The following PFKP variants were observed in gnomAD, a reference collection of about 807,000 sequenced individuals.
The protein encoded by PFKP is ATP-dependent 6-phosphofructokinase, platelet type.
PFKP carries 101 observed loss-of-function variants against 94.3 expected under a neutral mutation model. That is an observed-to-expected ratio of 1.07 (90% CI 0.91 to 1.26). The LOEUF is 1.26. Ranked by LOEUF, PFKP falls within the 50% of genes most tolerant of loss-of-function variation. The pLI is 0.00. For synonymous variants in PFKP, 573 were observed against 432.6 expected (o/e 1.32, Z -4.03); for missense variants, 1,145 against 1,103.3 (o/e 1.04, Z -0.53).
intron 13 of PFKP, among the ~76,000 whole-genome samples, chr10:3,114,652 AG>A (rs1200482432): frequency 1.3e-5 from 2 of 152,204 alleles, no homozygotes; most frequent in African/African-American, 2.4e-5. Context: ...ATGCTGGGGA[AG>A]GTGCTCCCAG....
At chr10:3,093,638 C>CTTTTTTTTTTTTTTTTTTTTTTTT (rs765547765) in intron 2 of PFKP, among the ~76,000 whole-genome samples, 2 of 94,056 alleles carry the variant, frequency 2.1e-5, no homozygotes, top group African/African-American at 9.4e-5. Context: ...CAAGCATTAT[C>CTTTTTTTTTTTTTTTTTTTTTTTT]TTTTTTTTTT....
intron 16 of PFKP, chr10:3,129,047 T>C (rs1373854894): frequency 2.6e-5 from 4 of 152,274 alleles, no homozygotes; most frequent in Admixed American, 6.5e-5. Context: ...TGGGGTCCTT[T>C]CTGTGTGAAC....
chr10:3,136,038 G>A (rs1839257814), intron 21 of PFKP, among the ~76,000 whole-genome samples, 200 bp downstream of exon 21: 1 of 152,144 alleles, frequency 6.6e-6, no homozygotes, highest in African/African-American at 2.4e-5. Context: ...GGCCGAGACA[G>A]GTGGATCACA....
rs1293631382 is a variant in PFKP at position 3,136,700 on chromosome 10, C to A, written c.*121C>A. 4 of 1,035,202 alleles carry A rather than the reference C, an allele frequency of 3.9e-6. No individual in the cohort carries two copies. The highest frequency in any genetic ancestry group is 5.7e-6 in the Non-Finnish European group (4 of 707,420). The allele number at this position is 1,035,202 out of a possible 1,614,324, so 64.1% of individuals were successfully genotyped here. ...CATTAATACCTAATCGGCGAGTGCC[C>A]ATCTGCCCCACCTGCTCCAGTGCGT... On this transcript the variant is annotated 3_prime_UTR_variant, in exon 22 of 22. Coordinates refer to ENST00000381125, the MANE Select transcript of PFKP (RefSeq NM_002627.5).
At position 3,116,816 on chromosome 10, in the gene PFKP, G is replaced by T; in HGVS notation, c.1412G>T (p.Gly471Val). The T allele has an allele frequency of 6.2e-7, 1 of 1,613,402 alleles. No individual in the cohort carries two copies. The highest frequency in any genetic ancestry group is 8.5e-7 in the Non-Finnish European group (1 of 1,179,312). Residue 471 changes from glycine to valine, a missense_variant, in exon 14 of 22, where the codon GGC (glycine) becomes GTC (valine). Coordinates refer to ENST00000381125, the MANE Select transcript of PFKP (RefSeq NM_002627.5). ...TGGACAGATGTCGGGGGCTGGACCG[G>T]CCAAGGAGGCTCCATTCTTGGGACA... ...IGWTDVGGWT[G>V]QGGSILGTKR...
chr10:3,136,456 G>T lies in PFKP; in HGVS notation c.2232G>T (p.Arg744Ser). ...TCTCCTCTTACCTCCACAGGCACAG[G>T]ATTCCCAAAGAACAGTGGTGGCTCA... ...ELKKQTDFEHRIPKEQWWLKL... is the reference protein window; with the variant it reads ...ELKKQTDFEHSIPKEQWWLKL... The change falls in exon 22 of 22, where the codon AGG becomes AGT. Residue 744 changes from arginine to serine, a missense_variant. Arg to Ser is a moderately radical substitution (Grantham distance 110). Transcript: ENST00000381125. The T allele has an allele frequency of 6.2e-7, 1 of 1,613,532 alleles. No individual in the cohort carries two copies. The highest frequency in any genetic ancestry group is 8.5e-7 in the Non-Finnish European group (1 of 1,179,644).
intron 2 of PFKP, among the ~76,000 whole-genome samples, chr10:3,097,281 G>C (rs1312584948): frequency 1.3e-5 from 2 of 151,876 alleles, no homozygotes; most frequent in African/African-American, 4.8e-5. Flanking sequence ...GAGTCCTTGT[G>C]TGGACAGAGC....
chr10:3,130,097 C>A, intron 17 of PFKP, 114 bp downstream of exon 17: 1 of 938,574 alleles, frequency 1.1e-6, no homozygotes, highest in Non-Finnish European at 1.6e-6. Flanking sequence ...GATGGAGATG[C>A]TACAGAACAT....
chr10:3,125,608 G>A (rs1453152205), intron 16 of PFKP, among the ~76,000 whole-genome samples: 6 of 152,200 alleles, frequency 3.9e-5, no homozygotes, highest in Admixed American at 6.5e-5. Flanking sequence ...GTAAATGCCC[G>A]GTAAGTACGA....
chr10:3,112,402 G>A, intron 11 of PFKP, 116 bp downstream of exon 11: 1 of 803,910 alleles, frequency 1.2e-6, no homozygotes, highest in Non-Finnish European at 2.2e-6. Context: ...AAATCAGAAA[G>A]TCAGGCAGTA....
chr10:3,136,469 C>G lies in PFKP; in HGVS notation c.2245C>G (p.Gln749Glu). Residue 749 changes from glutamine (Q) to glutamate (E), a missense_variant, in exon 22 of 22, where the codon CAG (glutamine) becomes GAG (glutamate). By Grantham distance (29) the Gln-to-Glu change is conservative. This residue lies in a region of PFKP where 1,119 missense variants were observed against 1,062.8 expected (regional missense o/e 1.05). Transcript: ENST00000381125. ...CCACAGGCACAGGATTCCCAAAGAA[C>G]AGTGGTGGCTCAAGCTACGGCCCCT... ...TDFEHRIPKE[Q>E]WWLKLRPLMK... 2 of 1,613,628 alleles carry G rather than the reference C, an allele frequency of 1.2e-6. No individual in the cohort carries two copies. The highest frequency in any genetic ancestry group is 1.1e-5 in the South Asian group (1 of 91,042).
chr10:3,134,292 C>CG lies in PFKP; in HGVS notation c.2023-185dup, dbSNP rs146014918. On this transcript the variant is annotated intron_variant, in intron 19 of 21. Transcript: ENST00000381125. The stretch of plus-strand genomic sequence containing the variant: ...TTATTAAAATCCTCATCTTACTGAG[C>CG]GGGGGGAACACTTGATACTTTTTCT... 4.9e-3 allele frequency among the ~76,000 whole-genome samples: 743 copies of CG among 152,274 alleles called. 6 individuals are homozygous for CG. Among genetic ancestry groups the CG allele is most frequent in the African/African-American group, 0.017 (701 of 41,528 alleles).
chr10:3,121,581 GTTTT>G (rs10528387), intron 16 of PFKP, among the ~76,000 whole-genome samples: 10,250 of 133,066 alleles, frequency 0.077, 495 homozygotes, highest in East Asian at 0.22. Flanking sequence ...ATAAATAACT[GTTTT>G]TTTTTTTTTT....
intron 3 of PFKP, 72 bp downstream of exon 3, chr10:3,099,424 A>G: frequency 3.4e-6 from 4 of 1,187,156 alleles, no homozygotes; most frequent in Non-Finnish European, 3.8e-6. Flanking sequence ...TTCCCAGAAC[A>G]CTTGAGCTCA....
chr10:3,116,982 C>T, intron 14 of PFKP, 136 bp downstream of exon 14: 1 of 726,502 alleles, frequency 1.4e-6, no homozygotes, highest in South Asian at 1.5e-5. Context: ...CAGGCAGTTA[C>T]CGGTCCTCCC....
chr10:3,114,542 G>C (rs898220300), intron 13 of PFKP, among the ~76,000 whole-genome samples: 1 of 152,236 alleles, frequency 6.6e-6, no homozygotes, highest in African/African-American at 2.4e-5. Context: ...TTTATAGATG[G>C]GGAGAGAGGA....
chr10:3,082,527 C>T (rs538138347), intron 2 of PFKP, 66 bp downstream of exon 2: 26 of 1,159,800 alleles, frequency 2.2e-5, no homozygotes, highest in African/African-American at 7.7e-5. Context: ...CAGTCACCGG[C>T]GCTCGCTCAC....
intron 1 of PFKP, among the ~76,000 whole-genome samples, chr10:3,074,104 T>C (rs1832403018): frequency 6.6e-6 from 1 of 152,144 alleles, no homozygotes; most frequent in African/African-American, 2.4e-5. Context: ...CCTCCCAAAG[T>C]GCTGGTATTA....
intron 2 of PFKP, among the ~76,000 whole-genome samples, chr10:3,091,670 C>A (rs1175675379): frequency 3.3e-5 from 5 of 152,088 alleles, no homozygotes; most frequent in Non-Finnish European, 5.9e-5. Context: ...CAACAGGTAG[C>A]TGGGCGTGGT....
Sources: gnomAD v4.1 joint callset for allele counts (sites outside exome capture counted in the v4.1 genomes callset) on GRCh38, gnomAD v4.1.1 for gene constraint, gnomAD v4.1.1 regional missense constraint, MANE v1.5 for transcripts, NCBI Gene and HGNC (gene_info 2026-07-23, HGNC 2026-07-21) for gene names.